Variants in BCOR observed in about 807,000 individuals in gnomAD.
BCOR encodes BCL-6 corepressor.
In BCOR, 10 loss-of-function variants were observed where a neutral mutation model predicts 86.7. The observed-to-expected ratio is 0.12, with a 90% CI of 0.07 to 0.20. The LOEUF (loss-of-function observed/expected upper bound fraction) is 0.20, where lower values mean the gene tolerates loss of function less well. Ranked by LOEUF, BCOR falls within the 10% of genes least tolerant of loss-of-function variation. The pLI, the probability that BCOR is intolerant of heterozygous loss-of-function variation, is 1.00. For synonymous variants in BCOR, 611 were observed against 609.0 expected, an observed-to-expected ratio of 1.00 and a Z score of -0.05; for missense variants, 1,259 against 1,452.1, an observed-to-expected ratio of 0.87 and a Z score of 2.16.
chrX:40,168,283 C>T (rs1938546053), intron 1 of BCOR, among the ~76,000 whole-genome samples: 2 of 113,115 alleles, frequency 1.8e-5, no homozygotes, highest in African/African-American at 6.4e-5. Flanking sequence ...GAGCGCCGGA[C>T]AGCTCCTGGG....
chrX:40,094,249 C>CG (rs1449856700), intron 1 of BCOR, among the ~76,000 whole-genome samples: 1 of 112,463 alleles, frequency 8.9e-6, no homozygotes, highest in Non-Finnish European at 1.9e-5. Context: ...CGCGCCTCCC[C>CG]CCCCTCCAGT....
At chrX:40,056,267 C>T (rs759063066) in intron 11 of BCOR, among the ~76,000 whole-genome samples, 1 of 92,287 alleles carries the variant, frequency 1.1e-5, no homozygotes, top group African/African-American at 4.3e-5. Context: ...ATACAACAAG[C>T]AACTGTCACA....
chrX:40,058,538 G>A (rs1177998210), intron 10 of BCOR, among the ~76,000 whole-genome samples: 1 of 111,955 alleles, frequency 8.9e-6, no homozygotes, highest in Non-Finnish European at 1.9e-5. Context: ...TAAACGTGAG[G>A]TGAGTTCTGA....
intron 1 of BCOR, among the ~76,000 whole-genome samples, chrX:40,137,613 T>C (rs928963448): frequency 9.8e-6 from 1 of 102,009 alleles, no homozygotes; most frequent in African/African-American, 4.2e-5. Context: ...TTCCTTTATC[T>C]TTCCCCAGTC....
intron 1 of BCOR, among the ~76,000 whole-genome samples, chrX:40,139,493 ATATAT>A (rs1468934669): frequency 3.0e-4 from 2 of 6,728 alleles, no homozygotes; most frequent in African/African-American, 7.0e-4. Context: ...ATATATATAT[ATATAT>A]TTTTTTTTTT....
intron 1 of BCOR, among the ~76,000 whole-genome samples, chrX:40,117,315 G>T (rs1253987003): frequency 3.6e-5 from 4 of 111,259 alleles, no homozygotes; most frequent in Non-Finnish European, 5.7e-5. Flanking sequence ...TTACTGTTTA[G>T]AGTTCAGTGC....
At chrX:40,174,042 A>G (rs1938688770) in intron 1 of BCOR, among the ~76,000 whole-genome samples, 1 of 113,089 alleles carries the variant, frequency 8.8e-6, no homozygotes, top group Admixed American at 9.2e-5. Flanking sequence ...GTTGCGGCAA[A>G]TAAGAGCCTA....
intron 1 of BCOR, among the ~76,000 whole-genome samples, chrX:40,170,252 G>A (rs1294492519): frequency 1.8e-5 from 2 of 112,115 alleles, no homozygotes; most frequent in Non-Finnish European, 3.8e-5. Context: ...GGGGCTGGGG[G>A]AATGGCTACC....
intron 1 of BCOR, among the ~76,000 whole-genome samples, chrX:40,107,805 CCTCCT>C (rs1197888360): frequency 8.8e-6 from 1 of 113,361 alleles, no homozygotes; most frequent in Admixed American, 9.2e-5. Flanking sequence ...CGGCGCCCCT[CCTCCT>C]CCCGCCCCTC....
chrX:40,177,266 C>T (rs991130784), exon 1 of BCOR: 1 of 112,062 alleles, frequency 8.9e-6, no homozygotes, highest in Non-Finnish European at 1.9e-5. Flanking sequence ...CACATGCAGC[C>T]TTGTCTAGTG....
rs1212276461 is a variant in BCOR at position 40,062,218 on chromosome X, G to A, written c.4349C>T (p.Pro1450Leu). The change falls in exon 10 of 15, where the codon CCG becomes CTG. Residue 1450 changes from proline to leucine, a missense_variant. Around this residue, in one of 7 missense-constraint regions of BCOR, gnomAD observed 47 missense variants for 102.1 expected, o/e 0.46. Coordinates refer to ENST00000378444, the MANE Select transcript of BCOR (RefSeq NM_001123385.2). ...GACAATAAGTCTCCGTGCTTCCGGC[G>A]GCATAGGGCGAGACTGGGTGGTCTC... ...PQETTQSRPM[P>L]PEARRLIVNK... 1.7e-6 allele frequency: 2 copies of A among 1,210,369 alleles called. No homozygotes were observed.
In BCOR at chrX:40,123,193, C is replaced by G. The variant is rs571945287; in HGVS notation, c.-40-45224G>C. On this transcript the variant is annotated intron_variant, in intron 1 of 14. Coordinates refer to the BCOR transcript ENST00000342274. Reference sequence around the variant, plus strand: ...ATTCCCCTTCTAAATGCAACTGTTTCTCTCACTTTCAAGGAGATACCATAT... The same window carrying G: ...ATTCCCCTTCTAAATGCAACTGTTTGTCTCACTTTCAAGGAGATACCATAT... Among the ~76,000 whole-genome samples, 6 of 111,110 alleles carry G rather than the reference C, an allele frequency of 5.4e-5. No homozygotes were observed. In the South Asian group the frequency reaches 2.3e-3, roughly 43 times the overall value.
rs948959838 is a variant in BCOR, at chrX:40,054,552, C to T, written c.4742-219G>A. Among the ~76,000 whole-genome samples the T allele has an allele frequency of 1.5e-4, 16 of 104,977 alleles. 1 individual carries two copies. The highest frequency in any genetic ancestry group is 1.2e-3 in the East Asian group (4 of 3,364). The allele number at this position is 104,977 out of a possible 115,157, so 91.2% of individuals were successfully genotyped here. On this transcript the variant is annotated intron_variant, in intron 12 of 14. Transcript: ENST00000378444. Reference sequence around the variant, plus strand: ...TTGCTCTGTTGCCCAGGCTGGAGTGCAGTGGCACAATCTCGGCTCACTGCA... The same window carrying T: ...TTGCTCTGTTGCCCAGGCTGGAGTGTAGTGGCACAATCTCGGCTCACTGCA...
chrX:40,139,429 TATATATATATATATATAATATATATAC>T (rs1937801391), intron 1 of BCOR, among the ~76,000 whole-genome samples: 1 of 15,407 alleles, frequency 6.5e-5, no homozygotes, highest in African/African-American at 1.2e-3. Flanking sequence ...TATATACATA[TATATATATATATATATAATATATATAC>T]ATATATATAT....
chrX:40,137,588 A>AATAAAATAAAATATAAAATAAAAT (rs1937711273), intron 1 of BCOR, among the ~76,000 whole-genome samples: 3 of 76,606 alleles, frequency 3.9e-5, no homozygotes, highest in African/African-American at 1.2e-4. Flanking sequence ...TAAAATATAA[A>AATAAAATAAAATATAAAATAAAAT]ATAAAATAAA....
intron 10 of BCOR, among the ~76,000 whole-genome samples, chrX:40,057,593 G>C (rs1178499549): frequency 8.9e-6 from 1 of 111,930 alleles, no homozygotes; most frequent in Admixed American, 9.4e-5. Flanking sequence ...CTCTGGAGGA[G>C]AGTAACAGCG....
chrX:40,064,258 C>G, intron 7 of BCOR, 78 bp downstream of exon 7: 1 of 1,185,961 alleles, frequency 8.4e-7, no homozygotes, highest in East Asian at 3.0e-5. Flanking sequence ...CGCCGCACAT[C>G]CACATCTCCT....
intron 1 of BCOR, among the ~76,000 whole-genome samples, chrX:40,091,028 A>G (rs1936587914): frequency 9.0e-6 from 1 of 111,383 alleles, no homozygotes; most frequent in Non-Finnish European, 1.9e-5. Context: ...ACATGAAATC[A>G]CAAGGGCAAA....
chrX:40,065,114 G>A (rs1935134949), intron 6 of BCOR, among the ~76,000 whole-genome samples: 1 of 111,640 alleles, frequency 9.0e-6, no homozygotes, highest in Non-Finnish European at 1.9e-5. Context: ...AGATGAAAAT[G>A]GACTGGAGAC....
Sources: allele counts gnomAD v4.1 joint callset (sites outside exome capture counted in the v4.1 genomes callset), GRCh38; gene constraint gnomAD v4.1.1; regional missense constraint gnomAD v4.1.1; transcripts MANE v1.5; gene names NCBI Gene and HGNC (gene_info 2026-07-23, HGNC 2026-07-21).